SHCBP1L: variants seen among roughly 807,000 people sequenced by gnomAD.
SHCBP1L encodes the protein testicular spindle-associated protein SHCBP1L.
SHCBP1L carries 67 observed loss-of-function variants against 62.5 expected under a neutral mutation model. The ratio of observed to expected loss-of-function variants is 1.07; its 90% confidence interval spans 0.88 to 1.31. The LOEUF is 1.31. Among genes scored for constraint, SHCBP1L ranks in the 40% most tolerant of loss-of-function variants. The pLI is 0.00. For missense variants in SHCBP1L, 823 were observed against 809.8 expected, an observed-to-expected ratio of 1.02 and a Z score of -0.20; for synonymous variants, 284 against 289.4, an observed-to-expected ratio of 0.98 and a Z score of 0.19.
intron 2 of SHCBP1L, among the ~76,000 whole-genome samples, chr1:182,949,140 G>T (rs1651665450): frequency 6.6e-6 from 1 of 152,084 alleles, no homozygotes; most frequent in Non-Finnish European, 1.5e-5. Context: ...ATCTTGAAAA[G>T]TTTTATGGAG....
intron 3 of SHCBP1L, among the ~76,000 whole-genome samples, chr1:182,939,831 G>T (rs1004298322): frequency 6.6e-6 from 1 of 152,076 alleles, no homozygotes; most frequent in Non-Finnish European, 1.5e-5. Flanking sequence ...TAAATAATAT[G>T]TAAGATACTA....
Position 182,953,017 on chromosome 1 carries a change from G to T in SHCBP1L, c.117C>A (p.Thr39=). 1 of 1,542,636 alleles carries T rather than the reference G, an allele frequency of 6.5e-7. No homozygotes were observed. ...GCACTGGGATCGCGGTGCCCTTCAG[G>T]GTGGTCGCGGCCGCCGTGTCCCCGG... ...AVSGDTAAAT[T]LKGTAIPVRS... The change falls in exon 1 of 10, where the codon ACC becomes ACA. Residue 39 remains threonine (T), a synonymous_variant. Transcript: ENST00000367547.
intron 5 of SHCBP1L, among the ~76,000 whole-genome samples, chr1:182,937,142 T>A (rs564397948): frequency 6.6e-6 from 1 of 152,208 alleles, no homozygotes; most frequent in East Asian, 1.9e-4. Context: ...TTCCTTACTA[T>A]ATGTAGACAT....
chr1:182,931,337 A>C (rs1331118992), intron 5 of SHCBP1L, among the ~76,000 whole-genome samples: 1 of 152,126 alleles, frequency 6.6e-6, no homozygotes, highest in Admixed American at 6.5e-5. Context: ...TTATCATGCT[A>C]TCCTAGTTTT....
At chr1:182,919,039 A>G (rs1650442961) in intron 6 of SHCBP1L, among the ~76,000 whole-genome samples, 1 of 152,222 alleles carries the variant, frequency 6.6e-6, no homozygotes, top group Non-Finnish European at 1.5e-5. Flanking sequence ...TAAAACCATA[A>G]AACTCTTAGG....
At chr1:182,918,544 T>C (rs1195740962) in intron 6 of SHCBP1L, among the ~76,000 whole-genome samples, 1 of 152,114 alleles carries the variant, frequency 6.6e-6, no homozygotes, top group African/African-American at 2.4e-5. Context: ...TGTTCATGGA[T>C]TGGAAGATTT....
intron 6 of SHCBP1L, among the ~76,000 whole-genome samples, chr1:182,908,248 T>C (rs904409876): frequency 6.6e-6 from 1 of 152,224 alleles, no homozygotes; most frequent in African/African-American, 2.4e-5. Context: ...TAGGTAGTTT[T>C]TCAACAGACA....
intron 6 of SHCBP1L, among the ~76,000 whole-genome samples, chr1:182,921,617 C>T (rs1650531883): frequency 6.6e-6 from 1 of 152,152 alleles, no homozygotes; most frequent in South Asian, 2.1e-4. Flanking sequence ...TCAAGAAATC[C>T]ATCTCAGGCA....
chr1:182,943,609 G>A lies in SHCBP1L; in HGVS notation c.556-3066C>T, dbSNP rs1185232924. Among the ~76,000 whole-genome samples the A allele has an allele frequency of 6.0e-5, 9 of 151,224 alleles. No individual in the cohort carries two copies. The East Asian group carries it at 1.6e-3, about 27-fold the overall frequency. On this transcript the variant is annotated intron_variant, in intron 2 of 9. Coordinates refer to ENST00000367547, the MANE Select transcript of SHCBP1L (RefSeq NM_030933.4). ...TTACAGGCATGCACCACCACAGCCTGGCTAATTATTGTATTTTTAGTAGAG... is the reference window on the plus strand; with the variant it reads ...TTACAGGCATGCACCACCACAGCCTAGCTAATTATTGTATTTTTAGTAGAG...
chr1:182,910,145 C>CCGGTGAAGTAATGGCTCTTG (rs1650133698), intron 6 of SHCBP1L, among the ~76,000 whole-genome samples: 1 of 152,138 alleles, frequency 6.6e-6, no homozygotes, highest in African/African-American at 2.4e-5. Flanking sequence ...AATGGCTCTT[C>CCGGTGAAGTAATGGCTCTTG]CACTGAAGCA....
intron 6 of SHCBP1L, among the ~76,000 whole-genome samples, chr1:182,911,012 C>A (rs6664202): frequency 0.06 from 9,082 of 152,116 alleles, 379 homozygotes; most frequent in African/African-American, 0.12. Context: ...GCCTCAGCCT[C>A]CCAACTAGCT....
At chr1:182,918,227 TATATATATACATATATATACACAC>T (rs1650422457) in intron 6 of SHCBP1L, among the ~76,000 whole-genome samples, 4 of 146,422 alleles carry the variant, frequency 2.7e-5, no homozygotes, top group African/African-American at 7.5e-5. Flanking sequence ...TATATACACA[TATATATATACATATATATACACAC>T]ATATATATCT....
chr1:182,938,566 T>A (rs1298132078), intron 5 of SHCBP1L, among the ~76,000 whole-genome samples: 1 of 152,132 alleles, frequency 6.6e-6, no homozygotes, highest in Middle Eastern at 3.2e-3. Flanking sequence ...GCTCAAGTGA[T>A]CCTCCTGCCT....
intron 6 of SHCBP1L, among the ~76,000 whole-genome samples, chr1:182,907,075 C>A (rs1161244971): frequency 3.3e-5 from 5 of 151,864 alleles, no homozygotes; most frequent in African/African-American, 1.2e-4. Flanking sequence ...CCTCAGCCTC[C>A]CAGAGTGCTG....
rs1424800790 is a variant in SHCBP1L at position 182,903,084 on chromosome 1, T to A, written c.1665A>T (p.Arg555Ser). 1 of 1,602,430 alleles carries A rather than the reference T, an allele frequency of 6.2e-7. No homozygotes were observed. The highest frequency in any genetic ancestry group is 1.3e-5 in the African/African-American group (1 of 74,598). The change falls in exon 9 of 10, where the codon AGA becomes AGT. Residue 555 changes from arginine (R) to serine (S), a missense_variant. Coordinates refer to ENST00000367547, the MANE Select transcript of SHCBP1L (RefSeq NM_030933.4). ...AGGTGCTTTTTGAACTGTTACTGGT[T>A]CTGAGGTTATTACAGTGATGAATTT... ...RNEIHHCNNL[R>S]TSNSSKSTLG...
At chr1:182,941,396 G>C (rs755849107) in intron 2 of SHCBP1L, among the ~76,000 whole-genome samples, 14 of 151,050 alleles carry the variant, frequency 9.3e-5, no homozygotes, top group Non-Finnish European at 1.5e-4. Flanking sequence ...AATCTAAAAA[G>C]CCATTTATTG....
chr1:182,910,620 A>C (rs894664378), intron 6 of SHCBP1L, among the ~76,000 whole-genome samples: 2 of 152,244 alleles, frequency 1.3e-5, no homozygotes, highest in Non-Finnish European at 2.9e-5. Context: ...AGGGCTTGAA[A>C]GGAATCAGGG....
At position 182,902,987 on chromosome 1, in the gene SHCBP1L, A is replaced by C. The variant is rs896345134; in HGVS notation, c.1710+52T>G. 1.0e-5 allele frequency: 14 copies of C among 1,395,740 alleles called. 1 individual carries two copies. The allele number at this position is 1,395,740 out of a possible 1,614,324, so 86.5% of individuals were successfully genotyped here. A position where few individuals can be genotyped will look rare whatever the true frequency, so the allele number is the denominator to read the frequency against. The stretch of plus-strand genomic sequence containing the variant: ...GACTAAAACTAATATTTTAGTACTT[A>C]TAATTACTTACAATTCTTATAACAA... On this transcript the variant is annotated intron_variant, in intron 9 of 9. Transcript: ENST00000367547.
At chr1:182,930,846 C>T (rs767648520) in intron 5 of SHCBP1L, among the ~76,000 whole-genome samples, 7 of 144,154 alleles carry the variant, frequency 4.9e-5, no homozygotes, top group Non-Finnish European at 1.1e-4. Flanking sequence ...CCACCTCAGC[C>T]TCCCCAGTAG....
Sources: gnomAD v4.1 joint callset for allele counts (sites outside exome capture counted in the v4.1 genomes callset) on GRCh38, gnomAD v4.1.1 for gene constraint, MANE v1.5 for transcripts, NCBI Gene and HGNC (gene_info 2026-07-23, HGNC 2026-07-21) for gene names.